Variants in SYNE3 observed in about 807,000 individuals in gnomAD.
SYNE3 encodes the protein spectrin repeat containing nuclear envelope family member 3.
A neutral mutation model predicts 111.2 loss-of-function variants in SYNE3; 100 were observed. The observed-to-expected ratio is 0.90, with a 90% confidence interval of 0.77 to 1.06. The LOEUF (loss-of-function observed/expected upper bound fraction) is 1.06, where lower values mean the gene tolerates loss of function less well. Among genes scored for constraint, SYNE3 ranks in the 50% least tolerant of loss-of-function variants. The probability of loss-of-function intolerance (pLI) is 0.00; values close to 1 mark genes in which losing one functional copy is unlikely to be tolerated. For missense variants in SYNE3, 1,160 were observed against 1,240.3 expected (o/e 0.94, Z 0.97); for synonymous variants, 547 against 533.9 (o/e 1.02, Z -0.34).
At chr14:95,486,399 G>A (rs1889549240) in intron 1 of SYNE3, among the ~76,000 whole-genome samples, 1 of 151,874 alleles carries the variant, frequency 6.6e-6, no homozygotes, top group Non-Finnish European at 1.5e-5. Context: ...TTGGCCCTGG[G>A]AGTCAGAGGT....
chr14:95,469,051 C>T (rs1049520596), intron 2 of SYNE3, among the ~76,000 whole-genome samples: 1 of 152,106 alleles, frequency 6.6e-6, no homozygotes, highest in African/African-American at 2.4e-5. Context: ...GCTGCCCAGC[C>T]CACACCGCAA....
rs545556013 is a variant in SYNE3 at position 95,408,876 on chromosome 14, C to A, written c.*8950G>T. 1 of 340,332 alleles carries A rather than the reference C, an allele frequency of 2.9e-6. No individual in the cohort carries two copies. The allele number at this position is 340,332 out of a possible 1,614,324, so 21.1% of individuals were successfully genotyped here. ...GCCAACTCTGTCCTCTGCCTGCCCCCGCAAGGGCTGGCCTGTCCGTGCTTT... is the reference window on the plus strand; with the variant it reads ...GCCAACTCTGTCCTCTGCCTGCCCCAGCAAGGGCTGGCCTGTCCGTGCTTT... On this transcript the variant is annotated 3_prime_UTR_variant, in exon 18 of 18. Coordinates refer to ENST00000682763, the MANE Select transcript of SYNE3 (RefSeq NM_152592.6).
chr14:95,466,196 GC>G lies in SYNE3; in HGVS notation c.361del (p.Ala121ProfsTer12), dbSNP rs1342618375. 1 of 1,591,626 alleles carries G rather than the reference GC, an allele frequency of 6.3e-7. No homozygotes were observed. Among genetic ancestry groups the G allele is most frequent in the African/African-American group, 1.3e-5 (1 of 74,574 alleles). On this transcript the variant is annotated frameshift_variant, in exon 4 of 18. Coordinates refer to ENST00000682763, the MANE Select transcript of SYNE3 (RefSeq NM_152592.6). LOFTEE classifies it high-confidence loss of function. ...VWLHWSEYLL[A>X]RDEFYRWFQK... is the part of the protein sequence containing the mutation. ...GAACCAGCGGTAGAACTCATCTCGG[GC>G]CAGCAGGTACTCGCTCCAGTGCAGC...
chr14:95,409,008 A>G lies in SYNE3; in HGVS notation c.*8818T>C. On this transcript the variant is annotated 3_prime_UTR_variant, in exon 18 of 18. Transcript: ENST00000682763. ...GGTGGGAGTCAACGGACTTCCCCGC[A>G]GGAGTGGGCACAGGAGGAAAGCAGC... The G allele has an allele frequency of 2.6e-6, 1 of 383,428 alleles. No individual in the cohort carries two copies. The highest frequency in any genetic ancestry group is 5.3e-6 in the Non-Finnish European group (1 of 190,310). The allele number at this position is 383,428 out of a possible 1,614,324, so 23.8% of individuals were successfully genotyped here.
chr14:95,426,736 T>C (rs2139358022), intron 17 of SYNE3, among the ~76,000 whole-genome samples: 1 of 151,736 alleles, frequency 6.6e-6, no homozygotes, highest in Non-Finnish European at 1.5e-5. Flanking sequence ...GATCAGGAGA[T>C]TGAGACCATC....
At chr14:95,440,892 G>A (rs759935717) in intron 11 of SYNE3, among the ~76,000 whole-genome samples, 4 of 152,132 alleles carry the variant, frequency 2.6e-5, no homozygotes, top group African/African-American at 4.8e-5. Flanking sequence ...AAAAGTAATC[G>A]AGCTGCACAC....
At chr14:95,486,679 C>T (rs1164966511) in intron 1 of SYNE3, among the ~76,000 whole-genome samples, 2 of 152,188 alleles carry the variant, frequency 1.3e-5, no homozygotes, top group African/African-American at 4.8e-5. Flanking sequence ...TGCACAAGAA[C>T]ACATCCTCAG....
intron 1 of SYNE3, among the ~76,000 whole-genome samples, chr14:95,499,350 T>G (rs542819080): frequency 6.6e-6 from 1 of 152,026 alleles, no homozygotes; most frequent in East Asian, 1.9e-4. Flanking sequence ...TCAAAGTCCT[T>G]CTCCATCCAT....
intron 2 of SYNE3, among the ~76,000 whole-genome samples, chr14:95,472,965 C>T (rs570426119): frequency 3.5e-4 from 54 of 152,318 alleles, no homozygotes; most frequent in African/African-American, 1.3e-3. Flanking sequence ...CAAACAGGCA[C>T]TGGAGACAAG....
chr14:95,441,438 G>T (rs1886410299), intron 11 of SYNE3, among the ~76,000 whole-genome samples: 1 of 152,252 alleles, frequency 6.6e-6, no homozygotes, highest in African/African-American at 2.4e-5. Flanking sequence ...GGGGGACACA[G>T]AGACTGCCTC....
At position 95,410,700 on chromosome 14, in the gene SYNE3, A is replaced by G. The variant is rs1196087778; in HGVS notation, c.*7126T>C. On this transcript the variant is annotated 3_prime_UTR_variant, in exon 18 of 18. Coordinates refer to ENST00000682763, the MANE Select transcript of SYNE3 (RefSeq NM_152592.6). ...CTATATCTAGACTTCTCAGGAGGAG[A>G]GAAAAGTAAAGTCTCTGACTGGTTT... 6.6e-6 allele frequency: 1 copy of G among 152,220 alleles called. No individual in the cohort carries two copies. The highest frequency in any genetic ancestry group is 2.4e-5 in the African/African-American group (1 of 41,444). The allele number at this position is 152,220 out of a possible 1,614,324, so 9.4% of individuals were successfully genotyped here.
intron 11 of SYNE3, among the ~76,000 whole-genome samples, chr14:95,441,604 C>T (rs1005245608): frequency 2.0e-5 from 3 of 152,240 alleles, no homozygotes; most frequent in South Asian, 2.1e-4. Context: ...CTTCTCGTAA[C>T]GACTAATCTA....
chr14:95,425,243 C>A (rs1035123377), intron 17 of SYNE3, among the ~76,000 whole-genome samples: 4 of 142,898 alleles, frequency 2.8e-5, no homozygotes, highest in African/African-American at 5.2e-5. Flanking sequence ...GAGACTCCAT[C>A]AAAAAAAAAA....
At chr14:95,453,846 T>C (rs17092377) in intron 6 of SYNE3, among the ~76,000 whole-genome samples, 4,748 of 152,304 alleles carry the variant, frequency 0.031, 220 homozygotes, top group African/African-American at 0.11. Context: ...CGCTGCCCCA[T>C]GGCTGGGTGG....
Position 95,415,276 on chromosome 14 carries a change from G to GCCCCCGGGGGGGGGGGGGCCCCCC in SYNE3, c.*2549_*2550insGGGGGGCCCCCCCCCCCCCGGGGG. On this transcript the variant is annotated 3_prime_UTR_variant, in exon 18 of 18. Coordinates refer to ENST00000682763, the MANE Select transcript of SYNE3 (RefSeq NM_152592.6). ...CATAGGAAAGTGGACACCTGGCAAG[G>GCCCCCGGGGGGGGGGGGGCCCCCC]CCCCCCCACCCACCCACCCTGCCAC... 1 of 139,700 alleles carries GCCCCCGGGGGGGGGGGGGCCCCCC rather than the reference G, an allele frequency of 7.2e-6. No homozygotes were observed. The highest frequency in any genetic ancestry group is 2.2e-4 in the East Asian group (1 of 4,550). The allele number at this position is 139,700 out of a possible 1,614,324, so 8.7% of individuals were successfully genotyped here.
chr14:95,474,812 A>G (rs1335026064), intron 2 of SYNE3, among the ~76,000 whole-genome samples: 1 of 152,230 alleles, frequency 6.6e-6, no homozygotes, highest in Non-Finnish European at 1.5e-5. Flanking sequence ...CACTGCTTCC[A>G]GCCTGGCTGG....
rs1293870115 is a variant in SYNE3 at position 95,412,044 on chromosome 14, GTT to G, written c.*5780_*5781del. Reference sequence around the variant, plus strand: ...CTCCAGGAGCCTCCCAAGCTGTGTTGTTCTGTGACCCAGCACAGCCCAACACA... The same window carrying G: ...CTCCAGGAGCCTCCCAAGCTGTGTTGCTGTGACCCAGCACAGCCCAACACA... On this transcript the variant is annotated 3_prime_UTR_variant, in exon 18 of 18. Coordinates refer to ENST00000682763, the MANE Select transcript of SYNE3 (RefSeq NM_152592.6). 6.6e-6 allele frequency: 1 copy of G among 152,446 alleles called. No individual in the cohort carries two copies. The highest frequency in any genetic ancestry group is 1.5e-5 in the Non-Finnish European group (1 of 68,212). 9.4% of individuals were successfully genotyped at this position (152,446 alleles called of 1,614,324 possible).
At chr14:95,451,948 T>C in intron 7 of SYNE3, 1 of 221,442 alleles carries the variant, frequency 4.5e-6, no homozygotes, top group African/African-American at 2.3e-5. Flanking sequence ...AAGCCCTCCC[T>C]TTGGGCCATC....
At position 95,447,798 on chromosome 14, in the gene SYNE3, G is replaced by T. The variant is rs556104247; in HGVS notation, c.1450-1707C>A. The stretch of plus-strand genomic sequence containing the variant: ...GTCTGGATTATGTACTAGTTGGGAA[G>T]CTATGGGCAGATCTGAGCCTCAGTT... On this transcript the variant is annotated intron_variant, in intron 8 of 17. Coordinates refer to ENST00000682763, the MANE Select transcript of SYNE3 (RefSeq NM_152592.6). 1.8e-4 allele frequency among the ~76,000 whole-genome samples: 28 copies of T among 152,344 alleles called. 1 individual carries two copies. The South Asian group carries it at 5.8e-3, about 32-fold the overall frequency.
Sources: allele counts gnomAD v4.1 joint callset (sites outside exome capture counted in the v4.1 genomes callset), GRCh38; gene constraint gnomAD v4.1.1; transcripts MANE v1.5; gene names NCBI Gene and HGNC (gene_info 2026-07-23, HGNC 2026-07-21).